Variants in RGS6 observed in about 807,000 individuals in gnomAD.
RGS6 encodes regulator of G-protein signaling 6.
RGS6 carries 30 observed loss-of-function variants against 78.5 expected under a neutral mutation model. The ratio of observed to expected loss-of-function variants is 0.38; its 90% CI spans 0.29 to 0.52. The LOEUF (loss-of-function observed/expected upper bound fraction) is 0.52, where lower values mean the gene tolerates loss of function less well. Among genes scored for constraint, RGS6 ranks in the 20% least tolerant of loss-of-function variants. RGS6 has a pLI of 0.85. For missense variants in RGS6, 495 were observed against 609.7 expected (o/e 0.81, Z 1.98); for synonymous variants, 206 against 206.0 (o/e 1.00, Z 0.00).
intron 2 of RGS6, among the ~76,000 whole-genome samples, chr14:72,274,436 T>C (rs982502269): frequency 1.3e-5 from 2 of 152,308 alleles, no homozygotes; most frequent in East Asian, 3.9e-4. Flanking sequence ...CATCACTGCC[T>C]TCCTCCCATG....
intron 3 of RGS6, among the ~76,000 whole-genome samples, chr14:72,362,790 C>T (rs970631628): frequency 6.6e-6 from 1 of 152,222 alleles, no homozygotes; most frequent in African/African-American, 2.4e-5. Context: ...CCAACTCCAC[C>T]TCCTGGTGTA....
intron 2 of RGS6, among the ~76,000 whole-genome samples, chr14:72,324,094 C>T (rs115840985): frequency 6.6e-6 from 1 of 152,072 alleles, no homozygotes; most frequent in Non-Finnish European, 1.5e-5. Context: ...TTGTCACTGA[C>T]TGCAGTCACC....
intron 3 of RGS6, among the ~76,000 whole-genome samples, chr14:72,352,395 T>C (rs2079274325): frequency 1.3e-5 from 2 of 152,196 alleles, no homozygotes; most frequent in South Asian, 4.1e-4. Flanking sequence ...GACCTTACCA[T>C]GACCAGCCCT....
chr14:72,412,751 G>A (rs543254042), intron 3 of RGS6, among the ~76,000 whole-genome samples: 2 of 152,298 alleles, frequency 1.3e-5, no homozygotes, highest in South Asian at 4.1e-4. Context: ...GTGTCCCAGA[G>A]ATTCTGGTAT....
chr14:72,267,968 C>G (rs959188776), intron 2 of RGS6, among the ~76,000 whole-genome samples: 13 of 152,226 alleles, frequency 8.5e-5, no homozygotes, highest in African/African-American at 3.1e-4. Context: ...CTCGCACACT[C>G]ACTCACACAC....
chr14:72,359,819 G>T (rs1195946866), intron 3 of RGS6, among the ~76,000 whole-genome samples: 1 of 152,244 alleles, frequency 6.6e-6, no homozygotes, highest in Admixed American at 6.5e-5. Flanking sequence ...TAAGGGCTGA[G>T]AATTGATCAT....
At position 72,392,646 on chromosome 14, in the gene RGS6, A is replaced by G. The variant is rs2090278315; in HGVS notation, c.184+40452A>G. 3.3e-5 allele frequency among the ~76,000 whole-genome samples: 5 copies of G among 152,190 alleles called. No homozygotes were observed. The South Asian group carries it at 1.0e-3, about 31-fold the overall frequency. ...CGCTTCCCTGCCTCCTCTGAATCTC[A>G]CATGTAAGCATCTCTTGTGGCCCAC... is the stretch of plus-strand genomic sequence containing the variant. On this transcript the variant is annotated intron_variant, in intron 3 of 17. Transcript: ENST00000553525.
chr14:72,486,141 T>C (rs539825894), intron 12 of RGS6, among the ~76,000 whole-genome samples: 1 of 152,310 alleles, frequency 6.6e-6, no homozygotes, highest in African/African-American at 2.4e-5. Flanking sequence ...CCTGTCACCA[T>C]GTGAAGAAGG....
Position 71,975,125 on chromosome 14 carries a change from G to A in RGS6, c.84+10250G>A, listed in dbSNP as rs371209661. On this transcript the variant is annotated intron_variant, in intron 2 of 17. Transcript: ENST00000553525. ...GCCATGATTGTGCCACCACACTCTA[G>A]CCTGGGCAACAGAGTGAGGCATGGT... 6.6e-4 allele frequency among the ~76,000 whole-genome samples: 100 copies of A among 152,364 alleles called. No individual in the cohort carries two copies. The Middle Eastern group carries it at 0.01, about 16-fold the overall frequency.
At chr14:72,554,467 C>CAACT (rs1253287251) in intron 17 of RGS6, among the ~76,000 whole-genome samples, 3 of 152,214 alleles carry the variant, frequency 2.0e-5, no homozygotes, top group African/African-American at 7.2e-5. Flanking sequence ...AAAGTAGCAT[C>CAACT]AACTTGTTGC....
At chr14:72,243,683 C>T (rs2053496581) in intron 2 of RGS6, among the ~76,000 whole-genome samples, 1 of 152,102 alleles carries the variant, frequency 6.6e-6, no homozygotes, top group African/African-American at 2.4e-5. Context: ...TCTCAGTGAA[C>T]AGCCTTGTTT....
the RGS6 span, among the ~76,000 whole-genome samples, chr14:72,617,850 T>G: frequency 6.6e-6 from 1 of 151,810 alleles, no homozygotes; most frequent in Non-Finnish European, 1.5e-5. Flanking sequence ...ACCACAGAGA[T>G]GGAGCTGATT....
chr14:72,023,556 C>T (rs2089193713), intron 2 of RGS6, among the ~76,000 whole-genome samples: 1 of 152,240 alleles, frequency 6.6e-6, no homozygotes, highest in African/African-American at 2.4e-5. Flanking sequence ...TGGAACGTTT[C>T]TCTTAATCCA....
the RGS6 span, among the ~76,000 whole-genome samples, chr14:72,587,135 G>A: frequency 1.3e-5 from 2 of 152,162 alleles, no homozygotes; most frequent in Admixed American, 6.5e-5. Context: ...TCTGGTAGCT[G>A]ATGGGACATG....
chr14:72,053,560 T>A (rs2093456563), intron 2 of RGS6, among the ~76,000 whole-genome samples: 1 of 152,220 alleles, frequency 6.6e-6, no homozygotes, highest in African/African-American at 2.4e-5. Flanking sequence ...AATCTGCATT[T>A]TATTTAGCAT....
At chr14:71,875,890 A>G in the RGS6 span, among the ~76,000 whole-genome samples, 1 of 152,306 alleles carries the variant, frequency 6.6e-6, no homozygotes, top group East Asian at 1.9e-4. Flanking sequence ...TTCTGCCTTC[A>G]TCTCATTATG....
At chr14:72,119,539 T>G (rs1385660841) in intron 2 of RGS6, among the ~76,000 whole-genome samples, 1 of 152,226 alleles carries the variant, frequency 6.6e-6, no homozygotes, top group African/African-American at 2.4e-5. Flanking sequence ...TGTGAACAGC[T>G]TGAATTTTCA....
intron 17 of RGS6, chr14:72,541,369 C>T (rs970781501): frequency 7.2e-7 from 1 of 1,398,572 alleles, no homozygotes; most frequent in Non-Finnish European, 9.6e-7. Context: ...TACATGTAAA[C>T]CTCAAATAAC....
chr14:72,100,508 A>G (rs1169762290), intron 2 of RGS6, among the ~76,000 whole-genome samples: 1 of 152,078 alleles, frequency 6.6e-6, no homozygotes, highest in Non-Finnish European at 1.5e-5. Flanking sequence ...AAACCAAAAA[A>G]AGGTAGAAAG....
Sources: gnomAD v4.1 joint callset for allele counts (sites outside exome capture counted in the v4.1 genomes callset) on GRCh38, gnomAD v4.1.1 for gene constraint, MANE v1.5 for transcripts, NCBI Gene and HGNC (gene_info 2026-07-23, HGNC 2026-07-21) for gene names.